The following ARHGEF18 variants were observed in gnomAD, a reference collection of about 807,000 sequenced individuals.
The protein encoded by ARHGEF18 is Rho/Rac guanine nucleotide exchange factor 18.
Under a neutral mutation model 155.7 loss-of-function variants are expected in ARHGEF18, and 93 were observed. That is an observed-to-expected ratio of 0.60 (90% CI 0.50 to 0.71). ARHGEF18 has a LOEUF of 0.71. Ranked by LOEUF, ARHGEF18 falls within the 30% of genes least tolerant of loss-of-function variation. The pLI, the probability that ARHGEF18 is intolerant of heterozygous loss-of-function variation, is 0.00. For missense variants in ARHGEF18, 1,593 were observed against 1,816.1 expected, an observed-to-expected ratio of 0.88 and a Z score of 2.23; for synonymous variants, 742 against 753.1, an observed-to-expected ratio of 0.99 and a Z score of 0.24.
chr19:7,389,353 T>C (rs367980749), intron 10 of ARHGEF18, among the ~76,000 whole-genome samples: 1 of 116,610 alleles, frequency 8.6e-6, no homozygotes, highest in East Asian at 2.5e-4. Flanking sequence ...AGAAACAGGG[T>C]TTTGTCACAT....
In ARHGEF18 at chr19:7,467,735, G is replaced by C. The variant is rs754181547; in HGVS notation, c.3480+51G>C. On this transcript the variant is annotated intron_variant, in intron 26 of 28. Coordinates refer to ENST00000668164, the MANE Select transcript of ARHGEF18 (RefSeq NM_001367823.1). ...CAGGTTGGGGGTGACCGGTTTGCAC[G>C]TGCATTTGCACGAGTGCATGCAGGT... The C allele has an allele frequency of 1.4e-5, 20 of 1,411,158 alleles. No individual in the cohort carries two copies. In the Admixed American group the frequency reaches 6.3e-4, roughly 45 times the overall value. The allele number at this position is 1,411,158 out of a possible 1,614,324, so 87.4% of individuals were successfully genotyped here. A position where few individuals can be genotyped will look rare whatever the true frequency, so the allele number is the denominator to read the frequency against.
Position 7,462,107 on chromosome 19 carries a change from G to C in ARHGEF18, c.2453-45G>C, listed in dbSNP as rs760943983. On this transcript the variant is annotated intron_variant, in intron 20 of 28. Transcript: ENST00000668164. The surrounding 1 kb of genome is among the most constrained non-coding windows in gnomAD (Gnocchi z 4.4). ...GTCCCCGGGGCTCAGATGATTCCAG[G>C]GAAGGCCGACCCGGCTGACTGCCAC... The C allele has an allele frequency of 6.2e-7, 1 of 1,612,536 alleles. No homozygotes were observed. The highest frequency in any genetic ancestry group is 1.1e-5 in the South Asian group (1 of 91,016).
Position 7,440,204 on chromosome 19 carries a change from C to G in ARHGEF18, c.968-140C>G, listed in dbSNP as rs749069386. 7.1e-6 allele frequency: 11 copies of G among 1,551,628 alleles called. No individual in the cohort carries two copies. Among genetic ancestry groups the G allele is most frequent in the Non-Finnish European group, 9.6e-6 (11 of 1,146,992 alleles). ...CTTTCCCCAGGAAATGGAGCGAGAA[C>G]GTCTTCTTGGATAACGAGCTGCTGA... is the stretch of plus-strand genomic sequence containing the variant. On this transcript the variant is annotated intron_variant, in intron 10 of 28. Transcript: ENST00000668164. This position sits in a 1 kb window ranked among gnomAD's most constrained non-coding sequence, Gnocchi z 5.4.
At chr19:7,376,426 G>C (rs933024810) in intron 4 of ARHGEF18, among the ~76,000 whole-genome samples, 2 of 152,042 alleles carry the variant, frequency 1.3e-5, no homozygotes, top group African/African-American at 2.4e-5. Context: ...AGAGCTGGAG[G>C]CTCCTCCGCC....
intron 1 of ARHGEF18, among the ~76,000 whole-genome samples, chr19:7,351,702 CTCTT>C (rs1179931296): frequency 3.2e-4 from 2 of 6,320 alleles, no homozygotes; most frequent in Admixed American, 2.1e-3. Flanking sequence ...CTCTCTCTCT[CTCTT>C]TTTTTTTTTT....
At position 7,349,099 on chromosome 19, in the gene ARHGEF18, TG is replaced by T. The variant is rs1470426908; in HGVS notation, c.-250del. On this transcript the variant is annotated 5_prime_UTR_variant, in exon 1 of 29. Coordinates refer to ENST00000668164, the MANE Select transcript of ARHGEF18 (RefSeq NM_001367823.1). ...GAGAAAGAGGAAGTCGAGGTGCTAT[TG>T]GGTCATTCTGTGGTTATCCCAGGCT... 2 of 152,344 alleles carry T rather than the reference TG, an allele frequency of 1.3e-5. No homozygotes were observed. The highest frequency in any genetic ancestry group is 4.8e-5 in the African/African-American group (2 of 41,462). The allele number at this position is 152,344 out of a possible 1,614,324, so 9.4% of individuals were successfully genotyped here. A position where few individuals can be genotyped will look rare whatever the true frequency, so the allele number is the denominator to read the frequency against.
rs17159575 is a variant in ARHGEF18, at chr19:7,441,593, T to C, written c.1107-60T>C. ...GAGTCACCGATGTGCCTTTGTTGCA[T>C]GAGGTCGTGTGTGTTTAATTCACTT... On this transcript the variant is annotated intron_variant, in intron 11 of 28. Transcript: ENST00000668164. The C allele has an allele frequency of 6.8e-3, 9,039 of 1,327,576 alleles. 212 individuals carry two copies. The African/African-American group carries it at 0.072, about 11-fold the overall frequency. 82.2% of individuals were successfully genotyped at this position (1,327,576 alleles called of 1,614,324 possible).
intron 10 of ARHGEF18, among the ~76,000 whole-genome samples, chr19:7,397,321 A>AATAGCACAATC (rs1971768524): frequency 6.6e-6 from 1 of 151,928 alleles, no homozygotes; most frequent in South Asian, 2.1e-4. Context: ...ACTGGAGTGC[A>AATAGCACAATC]ATAGCACAAT....
At chr19:7,476,481 C>G (rs1263717255), downstream of ARHGEF18, among the ~76,000 whole-genome samples, 4 of 152,240 alleles carry the variant, frequency 2.6e-5, no homozygotes, top group Admixed American at 2.6e-4. Context: ...TGCCCTCATC[C>G]CATCCCACCA....
intron 2 of ARHGEF18, among the ~76,000 whole-genome samples, chr19:7,368,020 C>CGGGAGGAAGGAAGGAA (rs1568270756): frequency 1.1e-5 from 1 of 95,180 alleles, no homozygotes; most frequent in Non-Finnish European, 1.9e-5. Flanking sequence ...GGAGGGAGGG[C>CGGGAGGAAGGAAGGAA]GGAAGGAAGG....
chr19:7,362,022 G>GAA lies in ARHGEF18; in HGVS notation c.-110-759_-110-758insAA, dbSNP rs1285571409. On this transcript the variant is annotated intron_variant, in intron 1 of 28. Coordinates refer to ENST00000668164, the MANE Select transcript of ARHGEF18 (RefSeq NM_001367823.1). ...AGAAGAAGAAGAAGAAGAAGGAGAA[G>GAA]GAGAAGGAGAAGGAGAAGGAGAAGG... Among the ~76,000 whole-genome samples, 9 of 35,366 alleles carry GAA rather than the reference G, an allele frequency of 2.5e-4. No individual in the cohort carries two copies. The East Asian group carries it at 5.4e-3, about 21-fold the overall frequency. The allele number at this position is 35,366 out of a possible 152,430, so 23.2% of individuals were successfully genotyped here.
At chr19:7,409,221 G>A (rs975679962) in intron 10 of ARHGEF18, among the ~76,000 whole-genome samples, 12 of 146,162 alleles carry the variant, frequency 8.2e-5, no homozygotes, top group Non-Finnish European at 1.4e-4. Flanking sequence ...CACCTCGCCC[G>A]GCTAATTTTT....
At chr19:7,465,026 G>T (rs1348436563) in intron 23 of ARHGEF18, among the ~76,000 whole-genome samples, 1 of 152,200 alleles carries the variant, frequency 6.6e-6, no homozygotes, top group African/African-American at 2.4e-5. Context: ...CCAGATGCCA[G>T]ATGTCCCCGG....
intron 14 of ARHGEF18, among the ~76,000 whole-genome samples, chr19:7,446,739 TA>T (rs992201223): frequency 2.0e-5 from 3 of 150,694 alleles, no homozygotes; most frequent in Non-Finnish European, 4.4e-5. Context: ...AGACTCTGTC[TA>T]AAAAAAATTA....
intron 10 of ARHGEF18, among the ~76,000 whole-genome samples, chr19:7,385,853 C>A (rs1209500167): frequency 4.3e-4 from 46 of 107,448 alleles, no homozygotes; most frequent in African/African-American, 2.1e-3. Context: ...CTCTCTCTCT[C>A]TCTCTCTCTC....
chr19:7,356,124 A>G (rs1040021102), intron 1 of ARHGEF18, among the ~76,000 whole-genome samples: 4 of 151,752 alleles, frequency 2.6e-5, no homozygotes, highest in African/African-American at 4.8e-5. Context: ...TCCCTCCAAC[A>G]CACATACACA....
intron 10 of ARHGEF18, among the ~76,000 whole-genome samples, chr19:7,422,571 T>A (rs1235632345): frequency 6.6e-6 from 1 of 151,826 alleles, no homozygotes; most frequent in Non-Finnish European, 1.5e-5. Context: ...ACCTTCCTCC[T>A]CAGGCCACCC....
chr19:7,357,198 G>A (rs1036040167), intron 1 of ARHGEF18, among the ~76,000 whole-genome samples: 3 of 152,170 alleles, frequency 2.0e-5, no homozygotes, highest in Non-Finnish European at 4.4e-5. Flanking sequence ...GATGAACAAA[G>A]CTGCCAGTGT....
intron 22 of ARHGEF18, among the ~76,000 whole-genome samples, 194 bp downstream of exon 22, chr19:7,464,149 C>T (rs1265257147): frequency 3.3e-5 from 5 of 152,268 alleles, no homozygotes; most frequent in African/African-American, 4.8e-5. Flanking sequence ...GTGATTCTCC[C>T]GCCTCAGCCT....
Sources: gnomAD v4.1 joint callset for allele counts (sites outside exome capture counted in the v4.1 genomes callset) on GRCh38, gnomAD v4.1.1 for gene constraint, Gnocchi (gnomAD v3.1) non-coding constraint, MANE v1.5 for transcripts, NCBI Gene and HGNC (gene_info 2026-07-23, HGNC 2026-07-21) for gene names.